The following PARVA variants were observed in gnomAD, a reference collection of about 807,000 sequenced individuals.
The protein encoded by PARVA is parvin alpha, also known as alpha-parvin.
Under a neutral mutation model 52.6 loss-of-function variants are expected in PARVA, and 25 were observed. The observed-to-expected ratio is 0.48, with a 90% CI of 0.35 to 0.66. The LOEUF is 0.66. Among genes scored for constraint, PARVA ranks in the 30% least tolerant of loss-of-function variants. PARVA has a pLI of 0.01. For synonymous variants in PARVA, 185 were observed against 179.1 expected (o/e 1.03, Z -0.26); for missense variants, 373 against 450.9 (o/e 0.83, Z 1.56).
chr11:12,533,902 C>T lies in PARVA; in HGVS notation c.*5977C>T, dbSNP rs191769952. ...AAAATCCATGGGCCGAGCACGGTGG[C>T]TCACACCTGTAATCCCAGCACTTTG... On this transcript the variant is annotated 3_prime_UTR_variant, in exon 13 of 13. Transcript: ENST00000334956. Among the ~76,000 whole-genome samples, 3 of 152,066 alleles carry T rather than the reference C, an allele frequency of 2.0e-5. No individual in the cohort carries two copies. The highest frequency in any genetic ancestry group is 6.5e-5 in the Admixed American group (1 of 15,274).
At chr11:12,491,776 T>C (rs1312082402) in intron 4 of PARVA, among the ~76,000 whole-genome samples, 1 of 152,198 alleles carries the variant, frequency 6.6e-6, no homozygotes, top group African/African-American at 2.4e-5. Flanking sequence ...AACATACTTC[T>C]CTTAATAACA....
intron 1 of PARVA, among the ~76,000 whole-genome samples, chr11:12,395,179 T>G (rs968679410): frequency 1.3e-5 from 2 of 152,092 alleles, no homozygotes; most frequent in African/African-American, 4.8e-5. Context: ...TTGATTCACG[T>G]TTGGTTGAAA....
intron 6 of PARVA, 88 bp downstream of exon 6, chr11:12,504,517 G>T: frequency 1.3e-6 from 1 of 765,168 alleles, no homozygotes; most frequent in African/African-American, 1.7e-5. Flanking sequence ...TCATTAGAAG[G>T]ATGGCTGCAT....
chr11:12,444,901 T>C (rs1340446944), intron 1 of PARVA, among the ~76,000 whole-genome samples: 1 of 152,130 alleles, frequency 6.6e-6, no homozygotes, highest in Admixed American at 6.5e-5. Context: ...CTGTGCCTGG[T>C]GGTCTATCTG....
chr11:12,441,674 G>A (rs569238341), intron 1 of PARVA, among the ~76,000 whole-genome samples: 2 of 152,170 alleles, frequency 1.3e-5, no homozygotes, highest in South Asian at 4.2e-4. Context: ...ATTTCCTACA[G>A]ATGTAAATCA....
chr11:12,451,893 C>A (rs542065038), intron 1 of PARVA, among the ~76,000 whole-genome samples: 1 of 152,064 alleles, frequency 6.6e-6, no homozygotes, highest in Non-Finnish European at 1.5e-5. Flanking sequence ...ATCATAAAGC[C>A]GATGGTTATG....
Position 12,523,716 on chromosome 11 carries a change from CTGTTCTGG to C in PARVA, c.1043-4129_1043-4122del, listed in dbSNP as rs540180424. Among the ~76,000 whole-genome samples, 46 of 152,294 alleles carry C rather than the reference CTGTTCTGG, an allele frequency of 3.0e-4. 1 individual carries two copies. In the South Asian group the frequency reaches 4.8e-3, roughly 16 times the overall value. On this transcript the variant is annotated intron_variant, in intron 12 of 12. Coordinates refer to ENST00000334956, the MANE Select transcript of PARVA (RefSeq NM_018222.5). The stretch of plus-strand genomic sequence containing the variant: ...TTGGCCCCAGGCTGTCAGACAGCCT[CTGTTCTGG>C]TGTATCTGACCAGAAGCCCCATAGT...
chr11:12,410,946 C>T (rs1484740577), intron 1 of PARVA, among the ~76,000 whole-genome samples: 1 of 152,216 alleles, frequency 6.6e-6, no homozygotes, highest in African/African-American at 2.4e-5. Context: ...TCTAACCTCG[C>T]CGTACCTCAC....
intron 1 of PARVA, among the ~76,000 whole-genome samples, chr11:12,406,817 C>T (rs1000146510): frequency 1.3e-5 from 2 of 151,736 alleles, no homozygotes; most frequent in African/African-American, 4.8e-5. Context: ...ACTACAGGCA[C>T]CCGCCACCAT....
At chr11:12,484,550 G>GT (rs1941133377) in intron 4 of PARVA, among the ~76,000 whole-genome samples, 2 of 124,952 alleles carry the variant, frequency 1.6e-5, no homozygotes, top group African/African-American at 6.7e-5. Context: ...TGTGTGTGTG[G>GT]TTTTCTTTTT....
intron 1 of PARVA, among the ~76,000 whole-genome samples, chr11:12,424,539 A>G (rs1940199362): frequency 6.6e-6 from 1 of 152,230 alleles, no homozygotes; most frequent in African/African-American, 2.4e-5. Context: ...CTTCAGTCAC[A>G]TTAGCCACAT....
intron 1 of PARVA, among the ~76,000 whole-genome samples, chr11:12,387,757 T>G (rs1398847681): frequency 4.2e-5 from 5 of 119,572 alleles, no homozygotes; most frequent in South Asian, 3.0e-4. Flanking sequence ...GTTGGGGGGT[T>G]TGGGGTGGGG....
chr11:12,506,912 T>C (rs1342864808), intron 6 of PARVA, among the ~76,000 whole-genome samples: 1 of 152,154 alleles, frequency 6.6e-6, no homozygotes, highest in Admixed American at 6.5e-5. Context: ...TTGCAGAAAG[T>C]TGGAGATGAG....
chr11:12,464,314 C>A (rs1190199224), intron 1 of PARVA, among the ~76,000 whole-genome samples: 1 of 152,176 alleles, frequency 6.6e-6, no homozygotes, highest in Non-Finnish European at 1.5e-5. Context: ...CAATGCATTA[C>A]CACATGGACC....
chr11:12,410,186 G>C (rs1384776006), intron 1 of PARVA, among the ~76,000 whole-genome samples: 1 of 152,200 alleles, frequency 6.6e-6, no homozygotes, highest in Non-Finnish European at 1.5e-5. Context: ...TCTCCGGGCT[G>C]GGCCACCCAG....
At chr11:12,399,482 T>C in intron 1 of PARVA, among the ~76,000 whole-genome samples, 1 of 152,210 alleles carries the variant, frequency 6.6e-6, no homozygotes, top group East Asian at 1.9e-4. Context: ...TGGTACACCC[T>C]CCTGAATGTC....
At chr11:12,481,294 G>A (rs1941082740) in intron 4 of PARVA, among the ~76,000 whole-genome samples, 1 of 152,032 alleles carries the variant, frequency 6.6e-6, no homozygotes, top group Non-Finnish European at 1.5e-5. Context: ...ATATCACTAT[G>A]GACATATTTA....
intron 1 of PARVA, among the ~76,000 whole-genome samples, chr11:12,428,290 C>T (rs1940265995): frequency 6.6e-6 from 1 of 152,170 alleles, no homozygotes; most frequent in Non-Finnish European, 1.5e-5. Context: ...CTTCAGCTTC[C>T]TTTTCCATAT....
At chr11:12,518,374 C>T in intron 11 of PARVA, 71 bp from the exon 12 acceptor site, 1 of 1,162,158 alleles carries the variant, frequency 8.6e-7, no homozygotes, top group Non-Finnish European at 1.3e-6. Context: ...TGGGCTCCTT[C>T]ACTTCCCAGG....
Sources: gnomAD v4.1 joint callset for allele counts (sites outside exome capture counted in the v4.1 genomes callset) on GRCh38, gnomAD v4.1.1 for gene constraint, MANE v1.5 for transcripts, NCBI Gene and HGNC (gene_info 2026-07-23, HGNC 2026-07-21) for gene names.